The following TBC1D1 variants were observed in gnomAD, a reference collection of about 807,000 sequenced individuals.
TBC1D1 encodes the protein TBC1 domain family member 1.
A neutral mutation model predicts 125.6 loss-of-function variants in TBC1D1; 89 were observed. The ratio of observed to expected loss-of-function variants is 0.71; its 90% CI spans 0.60 to 0.85. TBC1D1 has a LOEUF of 0.85. Among genes scored for constraint, TBC1D1 ranks in the 40% least tolerant of loss-of-function variants. The probability of loss-of-function intolerance (pLI) is 0.00; values close to 1 mark genes in which losing one functional copy is unlikely to be tolerated. For missense variants in TBC1D1, 1,377 were observed against 1,469.2 expected, an observed-to-expected ratio of 0.94 and a Z score of 1.03; for synonymous variants, 565 against 564.1, an observed-to-expected ratio of 1.00 and a Z score of -0.02.
intron 2 of TBC1D1, among the ~76,000 whole-genome samples, chr4:37,936,393 G>T (rs199869916): frequency 6.6e-6 from 1 of 152,198 alleles, no homozygotes; most frequent in Non-Finnish European, 1.5e-5. Context: ...CATGGATAAG[G>T]GGGGGTTACC....
chr4:38,050,567 C>G (rs1307399917), intron 11 of TBC1D1, among the ~76,000 whole-genome samples: 1 of 152,176 alleles, frequency 6.6e-6, no homozygotes, highest in East Asian at 1.9e-4. Flanking sequence ...CTTAGTGATT[C>G]ATTTAACTCT....
At chr4:37,944,351 C>G (rs1577976217) in intron 2 of TBC1D1, among the ~76,000 whole-genome samples, 1 of 152,204 alleles carries the variant, frequency 6.6e-6, no homozygotes, top group African/African-American at 2.4e-5. Flanking sequence ...AACCACTACT[C>G]TCTTCAAAGC....
At chr4:37,992,478 G>C (rs887945857) in intron 2 of TBC1D1, among the ~76,000 whole-genome samples, 18 of 151,226 alleles carry the variant, frequency 1.2e-4, no homozygotes, top group African/African-American at 4.1e-4. Context: ...TAAGGTCAAG[G>C]ACTAGAAGTC....
intron 2 of TBC1D1, among the ~76,000 whole-genome samples, chr4:37,941,426 T>C (rs1201877415): frequency 6.6e-6 from 1 of 152,202 alleles, no homozygotes; most frequent in Non-Finnish European, 1.5e-5. Flanking sequence ...TCTTCTTTAT[T>C]AGTCTTGCTA....
At chr4:38,120,417 C>T (rs1373875871) in intron 17 of TBC1D1, among the ~76,000 whole-genome samples, 3 of 152,192 alleles carry the variant, frequency 2.0e-5, no homozygotes, top group Admixed American at 1.3e-4. Flanking sequence ...GCACTGATGA[C>T]TTAGAGAATG....
intron 2 of TBC1D1, among the ~76,000 whole-genome samples, chr4:37,931,968 C>A (rs759717642): frequency 6.6e-6 from 1 of 151,970 alleles, no homozygotes; most frequent in Admixed American, 6.6e-5. Flanking sequence ...CCCTTCTATT[C>A]TGTATCTGTT....
intron 6 of TBC1D1, among the ~76,000 whole-genome samples, chr4:38,027,142 A>G (rs1049348836): frequency 1.3e-5 from 2 of 152,226 alleles, no homozygotes; most frequent in African/African-American, 2.4e-5. Context: ...AGTCCAAATT[A>G]TTGGTCTGTG....
intron 2 of TBC1D1, among the ~76,000 whole-genome samples, chr4:38,003,318 G>A (rs1014151675): frequency 6.6e-6 from 1 of 152,100 alleles, no homozygotes; most frequent in Non-Finnish European, 1.5e-5. Flanking sequence ...AAGGAAGGAG[G>A]GGGACATGTT....
intron 2 of TBC1D1, among the ~76,000 whole-genome samples, chr4:37,973,551 C>T (rs1732474478): frequency 6.6e-6 from 1 of 152,156 alleles, no homozygotes; most frequent in Non-Finnish European, 1.5e-5. Context: ...CCCAGAATTG[C>T]TTCTAAGTTC....
intron 17 of TBC1D1, among the ~76,000 whole-genome samples, chr4:38,124,268 A>G (rs636891): frequency 0.99 from 150,247 of 152,298 alleles, 74,151 homozygotes; most frequent in East Asian, 1. Context: ...AGACAGGGCT[A>G]GGGTTGCTGC....
intron 14 of TBC1D1, among the ~76,000 whole-genome samples, chr4:38,102,283 A>G (rs1389745241): frequency 6.7e-6 from 1 of 149,612 alleles, no homozygotes; most frequent in African/African-American, 2.6e-5. Flanking sequence ...CTTCTCTTTC[A>G]TCTGAGCTCT....
At position 38,020,605 on chromosome 4, in the gene TBC1D1, G is replaced by A; in HGVS notation, c.987G>A (p.Val329=). 7 of 1,612,950 alleles carry A rather than the reference G, an allele frequency of 4.3e-6. No individual in the cohort carries two copies. The highest frequency in any genetic ancestry group is 5.9e-6 in the Non-Finnish European group (7 of 1,179,256). Reference sequence around the variant, plus strand: ...CCCTTTGGCAGGGCATCAGACACGTGGACCACTTTGGGTTTATCTGTCGGG... The same window carrying A: ...CCCTTTGGCAGGGCATCAGACACGTAGACCACTTTGGGTTTATCTGTCGGG... Residue 329 remains valine (V), a synonymous_variant, in exon 5 of 20, where the codon GTG becomes GTA. Coordinates refer to ENST00000261439, the MANE Select transcript of TBC1D1 (RefSeq NM_015173.4).
chr4:37,952,289 A>T, intron 2 of TBC1D1: 1 of 547,652 alleles, frequency 1.8e-6, no homozygotes, highest in Non-Finnish European at 3.3e-6. Flanking sequence ...CATGTGACTT[A>T]AAGTTCTGTT....
Position 38,020,603 on chromosome 4 carries a change from G to A in TBC1D1, c.985G>A (p.Val329Met), listed in dbSNP as rs771457843. ...CTCCCTTTGGCAGGGCATCAGACAC[G>A]TGGACCACTTTGGGTTTATCTGTCG... is the stretch of plus-strand genomic sequence containing the variant. The change falls in exon 5 of 20, where the codon GTG (valine) becomes ATG (methionine). Residue 329 changes from valine (V) to methionine (M), a missense_variant. Coordinates refer to ENST00000261439, the MANE Select transcript of TBC1D1 (RefSeq NM_015173.4). 26 of 1,612,588 alleles carry A rather than the reference G, an allele frequency of 1.6e-5. No homozygotes were observed. The highest frequency in any genetic ancestry group is 2.0e-5 in the Non-Finnish European group (23 of 1,179,092).
intron 12 of TBC1D1, among the ~76,000 whole-genome samples, chr4:38,059,700 T>G (rs1578483647): frequency 6.6e-6 from 1 of 152,350 alleles, no homozygotes; most frequent in East Asian, 1.9e-4. Flanking sequence ...TGGGTGTGTT[T>G]AAGATTTGGA....
chr4:38,068,701 A>G (rs1021722596), intron 12 of TBC1D1, among the ~76,000 whole-genome samples: 2 of 152,252 alleles, frequency 1.3e-5, no homozygotes, highest in African/African-American at 2.4e-5. Context: ...AGCCCCTCAC[A>G]TTAGCCTCAT....
Position 37,896,279 on chromosome 4 carries a change from C to T in TBC1D1, c.-94+4931C>T, listed in dbSNP as rs186588834. ...GAAGCTGCAGAGGCTGTTGTACTGT[C>T]AGTTACTGTAAAGTCCCCATCCTGC... is the stretch of plus-strand genomic sequence containing the variant. On this transcript the variant is annotated intron_variant, in intron 1 of 19. Transcript: ENST00000261439. 3.0e-3 allele frequency among the ~76,000 whole-genome samples: 452 copies of T among 152,244 alleles called. 1 individual carries two copies. The highest frequency in any genetic ancestry group is 0.01 in the African/African-American group (426 of 41,528).
At chr4:38,092,407 T>C (rs1437058401) in intron 13 of TBC1D1, among the ~76,000 whole-genome samples, 1 of 152,152 alleles carries the variant, frequency 6.6e-6, no homozygotes, top group Non-Finnish European at 1.5e-5. Context: ...ACGTGAGATA[T>C]GCAAACATTT....
At chr4:38,057,006 C>G (rs533267874) in intron 12 of TBC1D1, among the ~76,000 whole-genome samples, 1 of 152,194 alleles carries the variant, frequency 6.6e-6, no homozygotes, top group African/African-American at 2.4e-5. Context: ...CTAAAAGTAC[C>G]AAACAGAACA....
Sources: allele counts gnomAD v4.1 joint callset (sites outside exome capture counted in the v4.1 genomes callset), GRCh38; gene constraint gnomAD v4.1.1; transcripts MANE v1.5; gene names NCBI Gene and HGNC (gene_info 2026-07-23, HGNC 2026-07-21).